The following PAQR5 variants were observed in gnomAD, a reference collection of about 807,000 sequenced individuals.
PAQR5 encodes membrane progestin receptor gamma.
Under a neutral mutation model 34.5 loss-of-function variants are expected in PAQR5, and 20 were observed. The ratio of observed to expected loss-of-function variants is 0.58; its 90% CI spans 0.41 to 0.84. The LOEUF (loss-of-function observed/expected upper bound fraction) is 0.84. PAQR5 is among the 40% of genes least tolerant of loss of function. The pLI is 0.00. For synonymous variants in PAQR5, 131 were observed against 155.6 expected, an observed-to-expected ratio of 0.84 and a Z score of 1.18; for missense variants, 378 against 412.7, an observed-to-expected ratio of 0.92 and a Z score of 0.73.
intron 3 of PAQR5, among the ~76,000 whole-genome samples, chr15:69,365,225 G>T (rs1206286270): frequency 6.6e-6 from 1 of 151,976 alleles, no homozygotes; most frequent in African/African-American, 2.4e-5. Flanking sequence ...TCATGCCTCA[G>T]CCTCCCAAGT....
At chr15:69,325,741 G>T (rs148333200) in intron 1 of PAQR5, among the ~76,000 whole-genome samples, 21 of 152,236 alleles carry the variant, frequency 1.4e-4, no homozygotes, top group African/African-American at 5.1e-4. Context: ...TCACCTGGCT[G>T]GTTCCTGACC....
chr15:69,365,860 G>A (rs1265355561), intron 3 of PAQR5, among the ~76,000 whole-genome samples: 5 of 152,180 alleles, frequency 3.3e-5, no homozygotes, highest in Non-Finnish European at 4.4e-5. Flanking sequence ...TTTAGTCTAC[G>A]TGAATGGCAA....
At chr15:69,342,267 TTTATTATTATTATTATTATTA>T (rs144248170) in intron 2 of PAQR5, among the ~76,000 whole-genome samples, 120,349 of 149,222 alleles carry the variant, frequency 0.81, 51,350 homozygotes, top group Non-Finnish European at 0.96. Context: ...TGTTTGTTCT[TTTATTATTATTATTATTATTA>T]TTATTATTAT....
At chr15:69,327,155 C>T (rs201467735) in intron 1 of PAQR5, among the ~76,000 whole-genome samples, 2 of 145,272 alleles carry the variant, frequency 1.4e-5, no homozygotes, top group African/African-American at 5.4e-5. Context: ...TGGCTAATTT[C>T]TTTATTATTA....
chr15:69,362,129 T>C (rs1374402306), intron 3 of PAQR5, among the ~76,000 whole-genome samples: 1 of 152,168 alleles, frequency 6.6e-6, no homozygotes, highest in African/African-American at 2.4e-5. Flanking sequence ...TCTGAATGTA[T>C]GGAGATTCTG....
rs2055502389 is a variant in PAQR5 at position 69,369,744 on chromosome 15, G to GT, written c.51+9613_51+9614insT. On this transcript the variant is annotated intron_variant, in intron 3 of 8. Transcript: ENST00000395407. ...GCTGATGGTTATGAATTTTGGGAGAGATTTTTTTTTTTTTCAGAGAAACAA... is the reference window on the plus strand; with the variant it reads ...GCTGATGGTTATGAATTTTGGGAGAGTATTTTTTTTTTTTTCAGAGAAACAA... Among the ~76,000 whole-genome samples, 5 of 20,166 alleles carry GT rather than the reference G, an allele frequency of 2.5e-4. No homozygotes were observed. The Admixed American group carries it at 4.6e-3, about 19-fold the overall frequency. The allele number at this position is 20,166 out of a possible 152,430, so 13.2% of individuals were successfully genotyped here.
rs1333861137 is a variant in PAQR5 at position 69,400,123 on chromosome 15, G to C, written c.751+8G>C. ...GACGCTTTGACTACATCGGTGAGTG[G>C]GCAACAGCCCTGCTGCTCTGCTCAT... On this transcript the variant is annotated splice_region_variant and intron_variant, in intron 8 of 8. Transcript: ENST00000395407. 6.2e-7 allele frequency: 1 copy of C among 1,610,590 alleles called. No homozygotes were observed. The highest frequency in any genetic ancestry group is 1.1e-5 in the South Asian group (1 of 90,514).
chr15:69,397,784 G>T (rs1385650819), intron 7 of PAQR5: 1 of 583,430 alleles, frequency 1.7e-6, no homozygotes, highest in South Asian at 2.2e-5. Flanking sequence ...TCTTAGTACA[G>T]ATCAAAATGG....
intron 2 of PAQR5, among the ~76,000 whole-genome samples, chr15:69,356,430 TTTTC>T (rs2055078798): frequency 6.6e-6 from 1 of 152,224 alleles, no homozygotes; most frequent in African/African-American, 2.4e-5. Flanking sequence ...AAAAAAATTA[TTTTC>T]TTTATTATTC....
chr15:69,384,550 A>ATGGTGGAGGGTGAGTGGGCCCTCCGTGT (rs2056051674), intron 4 of PAQR5, 127 bp from the exon 5 acceptor site: 1 of 241,860 alleles, frequency 4.1e-6, no homozygotes, highest in African/African-American at 3.3e-5. Context: ...CTCCGTGTTC[A>ATGGTGGAGGGTGAGTGGGCCCTCCGTGT]TCATGGAGGG....
Position 69,386,811 on chromosome 15 carries a change from C to T in PAQR5, c.385+1929C>T, listed in dbSNP as rs138517250. ...ATGTAAACCTCTTACCTGAGGTCCA[C>T]GCCACCTCAGAGCCATGAGACCAGA... On this transcript the variant is annotated intron_variant, in intron 5 of 8. Coordinates refer to ENST00000395407, the MANE Select transcript of PAQR5 (RefSeq NM_017705.4). Among the ~76,000 whole-genome samples, 571 of 152,220 alleles carry T rather than the reference C, an allele frequency of 3.8e-3. 3 individuals carry two copies. Among genetic ancestry groups the T allele is most frequent in the African/African-American group, 0.013 (532 of 41,528 alleles).
chr15:69,379,747 G>C lies in PAQR5; in HGVS notation c.52-136G>C, dbSNP rs149103715. 627 of 1,245,952 alleles carry C rather than the reference G, an allele frequency of 5.0e-4. 2 individuals carry two copies. In the African/African-American group the frequency reaches 8.8e-3, roughly 17 times the overall value. 77.2% of individuals were successfully genotyped at this position (1,245,952 alleles called of 1,614,324 possible). On this transcript the variant is annotated intron_variant, in intron 3 of 8. Coordinates refer to ENST00000395407, the MANE Select transcript of PAQR5 (RefSeq NM_017705.4). ...TACTGCGAGGGAAGGAGAGAGTGAGGGGAACAGCTTAACAGGTTAAGGACT... is the reference window on the plus strand; with the variant it reads ...TACTGCGAGGGAAGGAGAGAGTGAGCGGAACAGCTTAACAGGTTAAGGACT...
chr15:69,380,520 G>A (rs947289345), intron 4 of PAQR5, among the ~76,000 whole-genome samples: 3 of 152,272 alleles, frequency 2.0e-5, no homozygotes, highest in Admixed American at 1.3e-4. Flanking sequence ...TGGGAACCAC[G>A]ACAACTGGGA....
At chr15:69,371,683 T>A (rs1182638552) in intron 3 of PAQR5, among the ~76,000 whole-genome samples, 2 of 152,202 alleles carry the variant, frequency 1.3e-5, no homozygotes, top group Non-Finnish European at 2.9e-5. Context: ...GGATTTTATC[T>A]GATTGGAAAG....
chr15:69,358,633 A>ATTTTTTTTTTTTTTTTTTTT (rs71149910), intron 2 of PAQR5, among the ~76,000 whole-genome samples: 3 of 84,466 alleles, frequency 3.6e-5, no homozygotes, highest in Non-Finnish European at 6.2e-5. Flanking sequence ...GCTCTGTGGC[A>ATTTTTTTTTTTTTTTTTTTT]TTTTTTTTTT....
At chr15:69,316,707 A>T (rs140418756) in intron 1 of PAQR5, among the ~76,000 whole-genome samples, 5 of 152,358 alleles carry the variant, frequency 3.3e-5, no homozygotes, top group African/African-American at 1.2e-4. Context: ...TGGGGCTTAC[A>T]CTTACTAATG....
chr15:69,368,651 G>C (rs1001093186), intron 3 of PAQR5, among the ~76,000 whole-genome samples: 6 of 152,044 alleles, frequency 3.9e-5, no homozygotes, highest in African/African-American at 1.4e-4. Flanking sequence ...ACTGCATTCT[G>C]GGTACTTTCT....
intron 1 of PAQR5, chr15:69,314,611 AGAG>A (rs757012122): frequency 7.9e-5 from 12 of 152,278 alleles, no homozygotes; most frequent in African/African-American, 2.9e-4. Context: ...TGAAAAGAAC[AGAG>A]GAGGAGTCTG....
At chr15:69,378,810 G>A (rs540674036) in intron 3 of PAQR5, among the ~76,000 whole-genome samples, 42 of 152,250 alleles carry the variant, frequency 2.8e-4, no homozygotes, top group African/African-American at 9.4e-4. Context: ...AGACATTTCT[G>A]TTTGTCACAA....
Sources: allele counts gnomAD v4.1 joint callset (sites outside exome capture counted in the v4.1 genomes callset), GRCh38; gene constraint gnomAD v4.1.1; transcripts MANE v1.5; gene names NCBI Gene and HGNC (gene_info 2026-07-23, HGNC 2026-07-21).